The following NAV1 variants were observed in gnomAD, a reference collection of about 807,000 sequenced individuals.
NAV1 encodes the protein neuron navigator 1.
Under a neutral mutation model 175.2 loss-of-function variants are expected in NAV1, and 18 were observed. The ratio of observed to expected loss-of-function variants is 0.10; its 90% CI spans 0.07 to 0.15. The LOEUF (loss-of-function observed/expected upper bound fraction) is 0.15, where lower values mean the gene tolerates loss of function less well. Ranked by LOEUF, NAV1 falls within the 10% of genes least tolerant of loss-of-function variation. The pLI is 1.00. For missense variants in NAV1, 1,731 were observed against 2,436.6 expected (o/e 0.71, Z 6.10); for synonymous variants, 897 against 978.7 (o/e 0.92, Z 1.56).
At chr1:201,729,683 G>C (rs1043724745) in intron 3 of NAV1, among the ~76,000 whole-genome samples, 5 of 152,016 alleles carry the variant, frequency 3.3e-5, no homozygotes, top group African/African-American at 1.2e-4. Context: ...GAGGCGGGCA[G>C]ATCATGAGGT....
rs149143168 is a variant in NAV1 at position 201,631,658 on chromosome 1, C to T, written c.4+2151C>T. ...GGCAGCCAGTCAGTCCTGCCTCCCT[C>T]GCTAGGCCCCATGGCATAAGGAGGG... is the stretch of plus-strand genomic sequence containing the variant. On this transcript the variant is annotated intron_variant, in intron 2 of 29. Transcript: ENST00000367302. 4.3e-3 allele frequency among the ~76,000 whole-genome samples: 650 copies of T among 152,390 alleles called. 3 individuals carry two copies. Among genetic ancestry groups the T allele is most frequent in the Admixed American group, 0.01 (157 of 15,306 alleles).
intron 2 of NAV1, among the ~76,000 whole-genome samples, chr1:201,611,490 G>A (rs1037146128): frequency 4.6e-5 from 7 of 152,188 alleles, no homozygotes; most frequent in Admixed American, 2.0e-4. Context: ...GAAACACTGC[G>A]GCCTTATGCG....
At chr1:201,690,448 T>G (rs1670867669) in intron 1 of NAV1, among the ~76,000 whole-genome samples, 1 of 120,600 alleles carries the variant, frequency 8.3e-6, no homozygotes, top group Non-Finnish European at 1.8e-5. Flanking sequence ...GTATGTCTAT[T>G]TCCTCTCTGG....
At chr1:201,650,017 G>C (rs1394241311) in intron 1 of NAV1, among the ~76,000 whole-genome samples, 1 of 152,224 alleles carries the variant, frequency 6.6e-6, no homozygotes, top group Admixed American at 6.5e-5. Context: ...TGCCAGCTGT[G>C]CGCATCTGGG....
At chr1:201,738,633 G>A (rs912538294) in intron 3 of NAV1, among the ~76,000 whole-genome samples, 1 of 151,702 alleles carries the variant, frequency 6.6e-6, no homozygotes, top group Non-Finnish European at 1.5e-5. Flanking sequence ...CGAGGAGGAG[G>A]AGTTCAGGAG....
intron 1 of NAV1, 66 bp downstream of exon 3, chr1:201,623,672 A>G (rs1263829460): frequency 2.9e-5 from 29 of 985,932 alleles, no homozygotes; most frequent in Middle Eastern, 5.1e-4. Context: ...GGCAAGCCGG[A>G]AGAGGACAGG....
intron 14 of NAV1, 140 bp from the exon 19 acceptor site, chr1:201,794,326 A>G (rs2102755502): frequency 1.3e-6 from 1 of 754,186 alleles, no homozygotes; most frequent in South Asian, 1.6e-5. Flanking sequence ...TAATTTTTGT[A>G]TTTTTAATGG....
intron 1 of NAV1, among the ~76,000 whole-genome samples, chr1:201,555,177 C>T (rs1408526300): frequency 2.0e-5 from 3 of 152,272 alleles, no homozygotes; most frequent in East Asian, 1.9e-4. Flanking sequence ...AGGTCACATT[C>T]GGAGACACTG....
At chr1:201,770,310 G>A (rs959375020) in intron 3 of NAV1, among the ~76,000 whole-genome samples, 1 of 152,180 alleles carries the variant, frequency 6.6e-6, no homozygotes, top group Admixed American at 6.5e-5. Flanking sequence ...CTACAGAGGA[G>A]ATGGATGCAT....
At chr1:201,544,310 A>G (rs1217816167) in intron 1 of NAV1, among the ~76,000 whole-genome samples, 1 of 152,240 alleles carries the variant, frequency 6.6e-6, no homozygotes, top group Non-Finnish European at 1.5e-5. Flanking sequence ...GACTGGTCAC[A>G]GCTTTCAATG....
intron 1 of NAV1, among the ~76,000 whole-genome samples, chr1:201,540,384 T>A (rs1241671220): frequency 6.6e-6 from 1 of 152,194 alleles, no homozygotes; most frequent in East Asian, 1.9e-4. Flanking sequence ...TCAAATTCAA[T>A]GCTGAGAAGC....
At position 201,694,127 on chromosome 1, in the gene NAV1, C is replaced by T. The variant is rs1174543492; in HGVS notation, c.758-18690C>T. On this transcript the variant is annotated intron_variant, in intron 1 of 29. Coordinates refer to ENST00000367296, the Ensembl canonical transcript of NAV1. This position sits in a 1 kb window ranked among gnomAD's most constrained non-coding sequence, Gnocchi z 4.2. ...TGTCCCCAGGAGCAAAGCCTTGGCC[C>T]GCTGTTCCCATGGCAACCGCCAGTC... Among the ~76,000 whole-genome samples, 5 of 152,204 alleles carry T rather than the reference C, an allele frequency of 3.3e-5. No individual in the cohort carries two copies. The highest frequency in any genetic ancestry group is 7.3e-5 in the Non-Finnish European group (5 of 68,044).
chr1:201,595,015 G>T (rs1443249102), intron 2 of NAV1, among the ~76,000 whole-genome samples: 3 of 152,244 alleles, frequency 2.0e-5, no homozygotes, highest in Non-Finnish European at 2.9e-5. Context: ...TGAGGGGAGG[G>T]ATGTGAAAGC....
At chr1:201,641,866 C>T (rs1323918299) in intron 2 of NAV1, among the ~76,000 whole-genome samples, 1 of 152,070 alleles carries the variant, frequency 6.6e-6, no homozygotes. Context: ...CTCATGTGCC[C>T]CCTTCTCCCT....
At position 201,799,630 on chromosome 1, in the gene NAV1, C is replaced by T. The variant is rs373208991; in HGVS notation, c.3518-3963C>T. 7.2e-5 allele frequency among the ~76,000 whole-genome samples: 11 copies of T among 152,230 alleles called. No individual in the cohort carries two copies. In the East Asian group the frequency reaches 1.5e-3, roughly 21 times the overall value. ...ATCCCAGCACTTTGGGAGGCCATGG[C>T]GGGTGAATCACCTGAGGTCAGAAGT... On this transcript the variant is annotated intron_variant, in intron 15 of 29. Coordinates refer to ENST00000367296, the Ensembl canonical transcript of NAV1.
intron 3 of NAV1, among the ~76,000 whole-genome samples, chr1:201,730,736 G>T (rs975781446): frequency 1.7e-4 from 26 of 152,234 alleles, no homozygotes; most frequent in African/African-American, 5.8e-4. Context: ...TCCAAGGGCA[G>T]AAGGAGCAAC....
chr1:201,620,560 G>A (rs1399861776), upstream of NAV1, among the ~76,000 whole-genome samples: 2 of 145,164 alleles, frequency 1.4e-5, no homozygotes, highest in Non-Finnish European at 3.0e-5. Flanking sequence ...CCAGGTTCAA[G>A]CAATTCTCCT....
At chr1:201,592,871 G>A (rs987844524) in intron 2 of NAV1, among the ~76,000 whole-genome samples, 3 of 152,124 alleles carry the variant, frequency 2.0e-5, no homozygotes, top group Admixed American at 6.5e-5. Flanking sequence ...AGCGAGTCCA[G>A]GGAGGATTGG....
chr1:201,588,960 G>A (rs776344364), intron 2 of NAV1, among the ~76,000 whole-genome samples: 1 of 151,686 alleles, frequency 6.6e-6, no homozygotes, highest in East Asian at 1.9e-4. Context: ...CAATTCTCTT[G>A]TCTCAGCCTC....
Sources: gnomAD v4.1 joint callset for allele counts (sites outside exome capture counted in the v4.1 genomes callset) on GRCh38, gnomAD v4.1.1 for gene constraint, Gnocchi (gnomAD v3.1) non-coding constraint, MANE v1.5 for transcripts, NCBI Gene and HGNC (gene_info 2026-07-23, HGNC 2026-07-21) for gene names.